SHROOM3: variants seen among roughly 807,000 people sequenced by gnomAD.
SHROOM3 encodes the protein shroom family member 3, also known as protein Shroom3.
In SHROOM3, 47 loss-of-function variants were observed where a neutral mutation model predicts 138.6. That is an observed-to-expected ratio of 0.34 (90% confidence interval 0.27 to 0.43). The LOEUF (loss-of-function observed/expected upper bound fraction) is 0.43, where lower values mean the gene tolerates loss of function less well. SHROOM3 is among the 20% of genes least tolerant of loss of function. SHROOM3 has a pLI of 1.00. For missense variants in SHROOM3, 2,491 were observed against 2,596.5 expected, an observed-to-expected ratio of 0.96 and a Z score of 0.88; for synonymous variants, 1,062 against 1,063.3, an observed-to-expected ratio of 1.00 and a Z score of 0.02.
At chr4:76,442,661 G>A (rs754646678) in intron 1 of SHROOM3, among the ~76,000 whole-genome samples, 1 of 151,832 alleles carries the variant, frequency 6.6e-6, no homozygotes, top group Admixed American at 6.6e-5. Flanking sequence ...CGCCCACCTC[G>A]GCCTCCCAAA....
intron 1 of SHROOM3, among the ~76,000 whole-genome samples, chr4:76,547,998 G>A (rs1396192945): frequency 6.6e-6 from 1 of 151,008 alleles, no homozygotes; most frequent in South Asian, 2.1e-4. Flanking sequence ...TAACAATGCG[G>A]AGGAAGATAA....
At position 76,739,294 on chromosome 4, in the gene SHROOM3, A is replaced by G; in HGVS notation, c.1121A>G (p.Asp374Gly). ...CCCAGTTCCTTGGAGACTGCCACGG[A>G]CAACCTTCCTCCTAAGGTGGGTGCA... ...QCPSSLETAT[D>G]NLPPKVGAPL... The change falls in exon 5 of 11, where the codon GAC (aspartate) becomes GGC (glycine). Residue 374 changes from aspartate to glycine, a missense_variant. Coordinates refer to ENST00000296043, the MANE Select transcript of SHROOM3 (RefSeq NM_020859.4). 6.2e-7 allele frequency: 1 copy of G among 1,614,030 alleles called. No homozygotes were observed.
At chr4:76,486,460 G>A (rs1731733532) in intron 1 of SHROOM3, among the ~76,000 whole-genome samples, 1 of 152,168 alleles carries the variant, frequency 6.6e-6, no homozygotes, top group Non-Finnish European at 1.5e-5. Flanking sequence ...GACAATACCT[G>A]TTGGGAATAA....
At chr4:76,710,076 T>G in intron 2 of SHROOM3, 80 bp from the exon 3 acceptor site, 2 of 1,600,976 alleles carry the variant, frequency 1.2e-6, no homozygotes, top group East Asian at 2.2e-5. Flanking sequence ...TTCATGTGCT[T>G]TTTCGGTTTT....
intron 3 of SHROOM3, among the ~76,000 whole-genome samples, chr4:76,720,343 T>A (rs1322002615): frequency 6.6e-6 from 1 of 151,970 alleles, no homozygotes; most frequent in Non-Finnish European, 1.5e-5. Context: ...TCTTGTTTGT[T>A]TCAAATCTTT....
intron 2 of SHROOM3, among the ~76,000 whole-genome samples, chr4:76,576,142 A>G (rs1057322371): frequency 6.6e-6 from 1 of 152,214 alleles, no homozygotes; most frequent in Non-Finnish European, 1.5e-5. Flanking sequence ...CAATCCCACT[A>G]TGGGGTATAT....
rs1036776814 is a variant in SHROOM3, at chr4:76,745,462, T to A, written c.3753+3536T>A. The stretch of plus-strand genomic sequence containing the variant: ...CACTATGAGATGGTGTGACAAACAT[T>A]ACTGAATTGCTGAGGAAATTGCTCA... On this transcript the variant is annotated intron_variant, in intron 5 of 10. Transcript: ENST00000296043. Among the ~76,000 whole-genome samples, 10 of 152,340 alleles carry A rather than the reference T, an allele frequency of 6.6e-5. No individual in the cohort carries two copies. The East Asian group carries it at 7.7e-4, about 12-fold the overall frequency.
At chr4:76,659,818 G>A (rs975425330) in intron 2 of SHROOM3, among the ~76,000 whole-genome samples, 1 of 152,168 alleles carries the variant, frequency 6.6e-6, no homozygotes, top group African/African-American at 2.4e-5. Flanking sequence ...CTGACATCAG[G>A]TGATCCACCC....
rs869095140 is a variant in SHROOM3, at chr4:76,499,446, A to ATAACC, written c.169-56163_169-56162insTAACC. 3.4e-4 allele frequency among the ~76,000 whole-genome samples: 9 copies of ATAACC among 26,350 alleles called. No homozygotes were observed. In the East Asian group the frequency reaches 0.012, roughly 35 times the overall value. The allele number at this position is 26,350 out of a possible 152,430, so 17.3% of individuals were successfully genotyped here. The stretch of plus-strand genomic sequence containing the variant: ...AAAAACCATCTCAGCAAATACTTAG[A>ATAACC]ATAGGATTTTAAAATGTCAACCAAT... On this transcript the variant is annotated intron_variant, in intron 1 of 10. Transcript: ENST00000296043.
intron 1 of SHROOM3, among the ~76,000 whole-genome samples, chr4:76,442,480 G>A (rs1246019040): frequency 6.7e-6 from 1 of 149,102 alleles, no homozygotes; most frequent in African/African-American, 2.5e-5. Flanking sequence ...TGCGATCTCG[G>A]GTCACTGTAA....
intron 2 of SHROOM3, among the ~76,000 whole-genome samples, chr4:76,679,042 G>T (rs974722522): frequency 3.3e-5 from 5 of 152,208 alleles, no homozygotes; most frequent in Non-Finnish European, 5.9e-5. Context: ...TGTATTTGAT[G>T]ATTCTCTTGG....
chr4:76,640,630 C>T (rs933191737), intron 2 of SHROOM3, among the ~76,000 whole-genome samples: 4 of 152,212 alleles, frequency 2.6e-5, no homozygotes, highest in East Asian at 1.9e-4. Context: ...TTCTTGGGTA[C>T]ATCCTTTCCA....
chr4:76,650,771 C>G (rs893047445), intron 2 of SHROOM3, among the ~76,000 whole-genome samples: 1 of 152,200 alleles, frequency 6.6e-6, no homozygotes, highest in Non-Finnish European at 1.5e-5. Context: ...TCTTGAACTC[C>G]TGACCTCGTG....
At chr4:76,711,059 G>T (rs1720216786) in intron 3 of SHROOM3, among the ~76,000 whole-genome samples, 1 of 152,150 alleles carries the variant, frequency 6.6e-6, no homozygotes, top group South Asian at 2.1e-4. Flanking sequence ...TTAGGTGGTG[G>T]TATAATGCTG....
At chr4:76,644,025 G>A (rs758938030) in intron 2 of SHROOM3, among the ~76,000 whole-genome samples, 3 of 151,806 alleles carry the variant, frequency 2.0e-5, no homozygotes, top group Non-Finnish European at 2.9e-5. Context: ...TGTATTTTTA[G>A]TAGAGACAGG....
At chr4:76,523,564 A>C (rs1732614586) in intron 1 of SHROOM3, among the ~76,000 whole-genome samples, 1 of 152,156 alleles carries the variant, frequency 6.6e-6, no homozygotes, top group South Asian at 2.1e-4. Flanking sequence ...TTCCAAATAA[A>C]ATTAAAATTT....
chr4:76,448,373 G>A (rs992231013), intron 1 of SHROOM3, among the ~76,000 whole-genome samples: 2 of 152,102 alleles, frequency 1.3e-5, no homozygotes, highest in African/African-American at 2.4e-5. Context: ...CAACTGACCC[G>A]TCCACATTTC....
intron 2 of SHROOM3, among the ~76,000 whole-genome samples, chr4:76,625,606 A>G (rs1182925196): frequency 6.6e-6 from 1 of 152,156 alleles, no homozygotes; most frequent in African/African-American, 2.4e-5. Flanking sequence ...GTTTCTCTCC[A>G]GCCTCATACC....
At chr4:76,649,757 T>C (rs889862152) in intron 2 of SHROOM3, among the ~76,000 whole-genome samples, 3 of 152,218 alleles carry the variant, frequency 2.0e-5, no homozygotes, top group African/African-American at 7.2e-5. Context: ...AAAATTGTCC[T>C]GTGGTGGACA....
Sources: gnomAD v4.1 joint callset for allele counts (sites outside exome capture counted in the v4.1 genomes callset) on GRCh38, gnomAD v4.1.1 for gene constraint, MANE v1.5 for transcripts, NCBI Gene and HGNC (gene_info 2026-07-23, HGNC 2026-07-21) for gene names.